Variants in CLEC16A observed in about 807,000 individuals in gnomAD.
CLEC16A encodes the protein C-type lectin domain containing 16A, also known as protein CLEC16A.
In CLEC16A, 51 loss-of-function variants were observed where a neutral mutation model predicts 109.5. That is an observed-to-expected ratio of 0.47 (90% CI 0.37 to 0.59). The LOEUF (loss-of-function observed/expected upper bound fraction) is 0.59, where lower values mean the gene tolerates loss of function less well. Ranked by LOEUF, CLEC16A falls within the 20% of genes least tolerant of loss-of-function variation. The pLI, the probability that CLEC16A is intolerant of heterozygous loss-of-function variation, is 0.00. For missense variants in CLEC16A, 1,339 were observed against 1,394.0 expected, an observed-to-expected ratio of 0.96 and a Z score of 0.63; for synonymous variants, 673 against 564.2, an observed-to-expected ratio of 1.19 and a Z score of -2.73.
intron 19 of CLEC16A, among the ~76,000 whole-genome samples, chr16:11,102,397 G>A (rs2050971938): frequency 1.3e-5 from 2 of 152,212 alleles, no homozygotes; most frequent in Admixed American, 6.5e-5. Context: ...CAAAGGTACA[G>A]CTTGTCTCCA....
chr16:11,007,826 A>G (rs2045125492), intron 11 of CLEC16A, among the ~76,000 whole-genome samples: 1 of 151,838 alleles, frequency 6.6e-6, no homozygotes, highest in African/African-American at 2.4e-5. Context: ...GTGTGTGTGT[A>G]ATGGTGGGAA....
intron 2 of CLEC16A, among the ~76,000 whole-genome samples, chr16:10,959,893 A>C (rs1251890628): frequency 1.3e-5 from 2 of 151,938 alleles, no homozygotes; most frequent in South Asian, 2.1e-4. Context: ...GATTACAGGC[A>C]TGAGCTACTG....
At chr16:11,054,700 G>A (rs2048119004) in intron 18 of CLEC16A, among the ~76,000 whole-genome samples, 1 of 152,192 alleles carries the variant, frequency 6.6e-6, no homozygotes, top group South Asian at 2.1e-4. Context: ...GGTGGCTTTG[G>A]CCACTCATCT....
intron 19 of CLEC16A, among the ~76,000 whole-genome samples, chr16:11,105,966 C>T (rs896095205): frequency 6.6e-6 from 1 of 152,152 alleles, no homozygotes; most frequent in African/African-American, 2.4e-5. Flanking sequence ...AGGGCTCCAT[C>T]CAAACTCTTT....
At chr16:11,075,402 G>A (rs539437628) in intron 19 of CLEC16A, among the ~76,000 whole-genome samples, 2 of 138,022 alleles carry the variant, frequency 1.4e-5, no homozygotes, top group Admixed American at 1.4e-4. Context: ...GTGTGTGTGT[G>A]TGTGTGTGTC....
At chr16:11,175,796 G>A (rs2068725271) in intron 23 of CLEC16A, among the ~76,000 whole-genome samples, 1 of 152,200 alleles carries the variant, frequency 6.6e-6, no homozygotes, top group African/African-American at 2.4e-5. Flanking sequence ...TTGCCTACAA[G>A]GTTTCCACAT....
At chr16:11,167,759 G>C (rs956137554) in intron 23 of CLEC16A, among the ~76,000 whole-genome samples, 1 of 152,156 alleles carries the variant, frequency 6.6e-6, no homozygotes, top group African/African-American at 2.4e-5. Context: ...ACCTGCTCCA[G>C]GGCATGACCA....
intron 19 of CLEC16A, among the ~76,000 whole-genome samples, chr16:11,078,208 G>T (rs924546500): frequency 6.6e-6 from 1 of 151,790 alleles, no homozygotes; most frequent in Non-Finnish European, 1.5e-5. Flanking sequence ...AGGCCCTGTG[G>T]TTTCTGGCCC....
intron 19 of CLEC16A, among the ~76,000 whole-genome samples, chr16:11,072,251 C>CT (rs2049116427): frequency 6.6e-6 from 1 of 151,906 alleles, no homozygotes; most frequent in Non-Finnish European, 1.5e-5. Flanking sequence ...CCTGTAGTAT[C>CT]TGGGACTACT....
At chr16:11,157,633 C>T (rs780743288) in intron 22 of CLEC16A, among the ~76,000 whole-genome samples, 4 of 152,208 alleles carry the variant, frequency 2.6e-5, no homozygotes, top group Non-Finnish European at 4.4e-5. Context: ...GCCCACATGT[C>T]AGTGAATGCT....
chr16:10,983,669 T>C (rs977808521), intron 10 of CLEC16A, among the ~76,000 whole-genome samples: 1 of 152,126 alleles, frequency 6.6e-6, no homozygotes, highest in Non-Finnish European at 1.5e-5. Flanking sequence ...AGCTTTTCCA[T>C]CTTGTCCTCT....
intron 19 of CLEC16A, among the ~76,000 whole-genome samples, chr16:11,109,279 C>G (rs992013897): frequency 6.6e-6 from 1 of 151,874 alleles, no homozygotes; most frequent in Non-Finnish European, 1.5e-5. Flanking sequence ...ATCCTCCCAC[C>G]TCAGCCTGGG....
chr16:11,023,573 G>A (rs77310911), intron 12 of CLEC16A, among the ~76,000 whole-genome samples: 4 of 151,108 alleles, frequency 2.6e-5, no homozygotes, highest in Admixed American at 1.3e-4. Flanking sequence ...TGTGTGTCAC[G>A]TGTGTGTTTG....
At chr16:11,014,003 T>G (rs966607092) in intron 11 of CLEC16A, among the ~76,000 whole-genome samples, 1 of 152,188 alleles carries the variant, frequency 6.6e-6, no homozygotes, top group African/African-American at 2.4e-5. Context: ...AGTTTAGGCT[T>G]CTTCTTTCTC....
chr16:11,091,877 C>T (rs1375203903), intron 19 of CLEC16A, among the ~76,000 whole-genome samples: 1 of 152,026 alleles, frequency 6.6e-6, no homozygotes, highest in African/African-American at 2.4e-5. Context: ...CTTTTCTTTG[C>T]AGGAAAGGTG....
intron 10 of CLEC16A, among the ~76,000 whole-genome samples, chr16:10,986,012 ATTTTTTTTTTTTTTTT>A (rs59547466): frequency 9.2e-5 from 4 of 43,436 alleles, no homozygotes; most frequent in Admixed American, 3.6e-4. Context: ...GGCCTGCAGA[ATTTTTTTTTTTTTTTT>A]TTTTTTTTTT....
chr16:10,948,033 A>G (rs1371207788), intron 1 of CLEC16A, among the ~76,000 whole-genome samples: 3 of 152,030 alleles, frequency 2.0e-5, no homozygotes, highest in Non-Finnish European at 2.9e-5. Context: ...AGCTGGGACT[A>G]CAGGCGCCCG....
intron 20 of CLEC16A, 73 bp downstream of exon 20, chr16:11,120,839 C>CA (rs397699050): frequency 1.7e-4 from 168 of 965,198 alleles, no homozygotes; most frequent in Middle Eastern, 5.7e-4. Flanking sequence ...CACACACACA[C>CA]CACACACAAT....
intron 19 of CLEC16A, among the ~76,000 whole-genome samples, chr16:11,100,605 C>T (rs1239120952): frequency 6.6e-6 from 1 of 152,148 alleles, no homozygotes; most frequent in Non-Finnish European, 1.5e-5. Context: ...GAATTGACCT[C>T]CCGGAAGATA....
Sources: gnomAD v4.1 joint callset for allele counts (sites outside exome capture counted in the v4.1 genomes callset) on GRCh38, gnomAD v4.1.1 for gene constraint, MANE v1.5 for transcripts, NCBI Gene and HGNC (gene_info 2026-07-23, HGNC 2026-07-21) for gene names.